Variants in BLOC1S3 observed in about 807,000 individuals in gnomAD.
The protein encoded by BLOC1S3 is biogenesis of lysosomal organelles complex 1 subunit 3.
Under a neutral mutation model 9.1 loss-of-function variants are expected in BLOC1S3, and 7 were observed. The observed-to-expected ratio is 0.77, with a 90% CI of 0.44 to 1.45. BLOC1S3 has a LOEUF of 1.45. BLOC1S3 is among the 40% of genes most tolerant of loss of function. BLOC1S3 has a pLI of 0.01. For missense variants in BLOC1S3, 307 were observed against 315.2 expected, an observed-to-expected ratio of 0.97 and a Z score of 0.20; for synonymous variants, 145 against 158.4, an observed-to-expected ratio of 0.92 and a Z score of 0.64.
chr19:45,191,052 G>A (rs10469272), intron 2 of BLOC1S3, among the ~76,000 whole-genome samples: 11,182 of 150,702 alleles, frequency 0.074, 713 homozygotes, highest in African/African-American at 0.17. Flanking sequence ...CGATCCGCCC[G>A]CCTCGGCCTC....
At chr19:45,206,883 G>A (rs1969731638) in intron 3 of BLOC1S3, among the ~76,000 whole-genome samples, 1 of 151,940 alleles carries the variant, frequency 6.6e-6, no homozygotes, top group South Asian at 2.1e-4. Context: ...TGTCACCCAA[G>A]CTGGAGAGCA....
At chr19:45,188,031 A>AT (rs147597848) in intron 2 of BLOC1S3, among the ~76,000 whole-genome samples, 2 of 151,136 alleles carry the variant, frequency 1.3e-5, no homozygotes, top group Non-Finnish European at 3.0e-5. Context: ...CCAATTACAC[A>AT]TTTTTTTTTG....
Position 45,179,754 on chromosome 19 carries a change from G to A in BLOC1S3, c.458G>A (p.Gly153Glu). The change falls in exon 2 of 2, where the codon GGG becomes GAG. Residue 153 changes from glycine to glutamate, a missense_variant. Coordinates refer to ENST00000433642, the MANE Select transcript of BLOC1S3 (RefSeq NM_212550.5). The surrounding 1 kb of genome is among the most constrained non-coding windows in gnomAD (Gnocchi z 4.6). The part of the protein sequence containing the change: ...ASRLAAAQAA[G>E]LAAAHSVRLA... ...AGGCTGGCGGCAGCCCAGGCGGCGG[G>A]GCTGGCGGCGGCCCACAGCGTGCGC... is the stretch of plus-strand genomic sequence containing the variant. 1 of 1,478,764 alleles carries A rather than the reference G, an allele frequency of 6.8e-7. No homozygotes were observed. The highest frequency in any genetic ancestry group is 1.3e-5 in the South Asian group (1 of 76,212). 91.6% of individuals were successfully genotyped at this position (1,478,764 alleles called of 1,614,324 possible). A position where few individuals can be genotyped will look rare whatever the true frequency, so the allele number is the denominator to read the frequency against.
rs34958174 is a variant in BLOC1S3, at chr19:45,216,168, G to A, written n.283-508G>A. The A allele has an allele frequency of 8.6e-3, 13,833 of 1,613,852 alleles. 1,011 individuals are homozygous for A. The African/African-American group carries it at 0.16, about 19-fold the overall frequency. On this transcript the variant is annotated intron_variant and non_coding_transcript_variant, in intron 3 of 3. Transcript: ENST00000591569. ...TGACTTCAGCCAAATGGGGCACCAC[G>A]GCATCCAGCCACGAGGCCTGGGACT...
intron 2 of BLOC1S3, among the ~76,000 whole-genome samples, chr19:45,194,820 T>A (rs908685759): frequency 6.6e-6 from 1 of 152,110 alleles, no homozygotes; most frequent in Non-Finnish European, 1.5e-5. Context: ...GGGTAATGAC[T>A]GCATGAAGGG....
intron 2 of BLOC1S3, among the ~76,000 whole-genome samples, chr19:45,195,094 A>G (rs1473557197): frequency 1.3e-5 from 2 of 151,900 alleles, no homozygotes; most frequent in Admixed American, 1.3e-4. Flanking sequence ...CACGTAGTAG[A>G]GATGGGGTTT....
intron 3 of BLOC1S3, among the ~76,000 whole-genome samples, chr19:45,211,096 G>A (rs1026663660): frequency 1.4e-4 from 21 of 151,794 alleles, no homozygotes; most frequent in African/African-American, 5.1e-4. Flanking sequence ...GGGCAACAGA[G>A]CAAAGACCCT....
At chr19:45,190,065 C>T (rs894015518) in intron 2 of BLOC1S3, among the ~76,000 whole-genome samples, 5 of 151,378 alleles carry the variant, frequency 3.3e-5, no homozygotes, top group African/African-American at 9.7e-5. Context: ...AACCTGGCCT[C>T]GTCTCAAGCT....
chr19:45,195,567 C>CTCCGTCCCTCCT (rs1555753744), intron 2 of BLOC1S3, among the ~76,000 whole-genome samples: 1 of 130,034 alleles, frequency 7.7e-6, no homozygotes, highest in Non-Finnish European at 1.6e-5. Context: ...CCTTCCCTCC[C>CTCCGTCCCTCCT]TCCCTCCCTC....
chr19:45,192,577 C>T (rs922774451), intron 2 of BLOC1S3, among the ~76,000 whole-genome samples: 5 of 152,162 alleles, frequency 3.3e-5, no homozygotes, highest in East Asian at 1.9e-4. Context: ...AAGGCCCACA[C>T]GGAGTACTGC....
chr19:45,213,990 C>A (rs151046811), intron 3 of BLOC1S3, among the ~76,000 whole-genome samples: 1 of 151,808 alleles, frequency 6.6e-6, no homozygotes, highest in Non-Finnish European at 1.5e-5. Context: ...GTACCCCACT[C>A]CCCCTAAATC....
downstream of BLOC1S3, among the ~76,000 whole-genome samples, chr19:45,182,126 T>C (rs908557220): frequency 6.6e-6 from 1 of 152,204 alleles, no homozygotes; most frequent in Non-Finnish European, 1.5e-5. Flanking sequence ...TATAGTTTAA[T>C]TTTTAAAAAT....
rs1258539380 is a variant in BLOC1S3, at chr19:45,179,455, G to A, written c.159G>A (p.Gly53=). The change falls in exon 2 of 2, where the codon GGG becomes GGA. Residue 53 remains glycine (G), a synonymous_variant. Transcript: ENST00000433642. The surrounding 1 kb of genome is among the most constrained non-coding windows in gnomAD (Gnocchi z 4.6). The stretch of plus-strand genomic sequence containing the variant: ...GCCCGACGCGCGGCCGCCCCACGGG[G>A]CTGCGGGTGGCTGGGGAAGCCGCGG... ...PSGPTRGRPT[G]LRVAGEAAET... The A allele has an allele frequency of 1.3e-6, 2 of 1,525,534 alleles. No individual in the cohort carries two copies. Among genetic ancestry groups the A allele is most frequent in the Non-Finnish European group, 1.8e-6 (2 of 1,142,350 alleles). The allele number at this position is 1,525,534 out of a possible 1,614,324, so 94.5% of individuals were successfully genotyped here.
At chr19:45,207,818 G>A (rs1267041348) in intron 3 of BLOC1S3, among the ~76,000 whole-genome samples, 2 of 152,146 alleles carry the variant, frequency 1.3e-5, no homozygotes, top group Non-Finnish European at 2.9e-5. Context: ...ACACACACAT[G>A]TGCACAGGTA....
At chr19:45,209,622 C>T (rs778446646) in intron 3 of BLOC1S3, among the ~76,000 whole-genome samples, 14 of 151,758 alleles carry the variant, frequency 9.2e-5, no homozygotes, top group Non-Finnish European at 1.6e-4. Flanking sequence ...GAGGTTTCAC[C>T]GTGTTAGCCA....
At chr19:45,215,558 T>C (rs1338151422) in intron 3 of BLOC1S3, among the ~76,000 whole-genome samples, 2 of 152,166 alleles carry the variant, frequency 1.3e-5, no homozygotes, top group Non-Finnish European at 2.9e-5. Context: ...ATTGTTACTA[T>C]AGTCATGGAT....
chr19:45,210,765 T>G (rs1162909161), intron 3 of BLOC1S3, among the ~76,000 whole-genome samples: 1 of 152,202 alleles, frequency 6.6e-6, no homozygotes, highest in African/African-American at 2.4e-5. Flanking sequence ...AGCCAAAAGC[T>G]GTTTTTCAAT....
chr19:45,203,122 C>T (rs922472463), intron 3 of BLOC1S3, among the ~76,000 whole-genome samples: 5 of 151,844 alleles, frequency 3.3e-5, no homozygotes, highest in East Asian at 1.9e-4. Context: ...GTTTGGGGCT[C>T]GGGGGCTCAA....
At chr19:45,198,533 A>T (rs762902063) in intron 2 of BLOC1S3, among the ~76,000 whole-genome samples, 3 of 152,204 alleles carry the variant, frequency 2.0e-5, no homozygotes. Flanking sequence ...ACCTCAGGTG[A>T]TCCACCTGTC....
Sources: allele counts gnomAD v4.1 joint callset (sites outside exome capture counted in the v4.1 genomes callset), GRCh38; gene constraint gnomAD v4.1.1; non-coding constraint Gnocchi (gnomAD v3.1); transcripts MANE v1.5; gene names NCBI Gene and HGNC (gene_info 2026-07-23, HGNC 2026-07-21).